The following CLSTN2 variants were observed in gnomAD, a reference collection of about 807,000 sequenced individuals.
CLSTN2 encodes calsyntenin-2.
In CLSTN2, 48 loss-of-function variants were observed where a neutral mutation model predicts 101.2. That is an observed-to-expected ratio of 0.47 (90% CI 0.38 to 0.60). The LOEUF (loss-of-function observed/expected upper bound fraction) is 0.60. Ranked by LOEUF, CLSTN2 falls within the 20% of genes least tolerant of loss-of-function variation. The pLI is 0.00. For synonymous variants in CLSTN2, 481 were observed against 463.6 expected (o/e 1.04, Z -0.48); for missense variants, 1,160 against 1,238.2 (o/e 0.94, Z 0.95).
chr3:140,149,414 G>A (rs1049411815), intron 1 of CLSTN2, among the ~76,000 whole-genome samples: 3 of 152,148 alleles, frequency 2.0e-5, no homozygotes, highest in Admixed American at 2.0e-4. Context: ...GAGTAGAGTT[G>A]CCAGATAAAA....
rs570644361 is a variant in CLSTN2, at chr3:139,983,731, T to G, written c.109+48248T>G. ...CTATGTAATAATTTACTATGTAGTTTTAGCATTTAAAAAAATCAACCTCCA... is the reference window on the plus strand; with the variant it reads ...CTATGTAATAATTTACTATGTAGTTGTAGCATTTAAAAAAATCAACCTCCA... On this transcript the variant is annotated intron_variant, in intron 1 of 16. Transcript: ENST00000458420. Among the ~76,000 whole-genome samples the G allele has an allele frequency of 2.5e-4, 38 of 152,298 alleles. No homozygotes were observed. The Middle Eastern group carries it at 0.01, about 41-fold the overall frequency.
At chr3:140,320,677 G>A (rs774883048) in intron 2 of CLSTN2, among the ~76,000 whole-genome samples, 7 of 151,604 alleles carry the variant, frequency 4.6e-5, no homozygotes, top group Non-Finnish European at 1.0e-4. Flanking sequence ...CATAATGTAT[G>A]TATTGACTAT....
At chr3:140,262,018 T>C (rs774911926) in intron 2 of CLSTN2, among the ~76,000 whole-genome samples, 4 of 152,166 alleles carry the variant, frequency 2.6e-5, no homozygotes, top group Non-Finnish European at 5.9e-5. Context: ...AAAGTACAGA[T>C]TTTAGAGTTG....
rs371997085 is a variant in CLSTN2, at chr3:140,346,577, G to C, written c.233-57052G>C. Among the ~76,000 whole-genome samples the C allele has an allele frequency of 1.8e-4, 28 of 152,326 alleles. No homozygotes were observed. In the East Asian group the frequency reaches 4.8e-3, roughly 26 times the overall value. On this transcript the variant is annotated intron_variant, in intron 2 of 16. Transcript: ENST00000458420. Reference sequence around the variant, plus strand: ...TGTGGGATGAAATTATGAGGATTAAGTAAGCAAGTTTAGGAACAAGAGTCA... The same window carrying C: ...TGTGGGATGAAATTATGAGGATTAACTAAGCAAGTTTAGGAACAAGAGTCA...
intron 2 of CLSTN2, among the ~76,000 whole-genome samples, chr3:140,271,953 A>G (rs1050464850): frequency 2.0e-5 from 3 of 152,210 alleles, no homozygotes; most frequent in Non-Finnish European, 4.4e-5. Context: ...ACAGAACCCA[A>G]TTCTGAATTC....
At chr3:140,294,893 A>T (rs1178054358) in intron 2 of CLSTN2, among the ~76,000 whole-genome samples, 1 of 152,020 alleles carries the variant, frequency 6.6e-6, no homozygotes, top group Non-Finnish European at 1.5e-5. Flanking sequence ...TCATGGGGAG[A>T]AGGGGGTGGT....
chr3:140,439,553 C>A (rs971865873), intron 5 of CLSTN2, among the ~76,000 whole-genome samples: 1 of 152,192 alleles, frequency 6.6e-6, no homozygotes, highest in Non-Finnish European at 1.5e-5. Context: ...ATTTCTAGTT[C>A]TTTCATTTGA....
intron 1 of CLSTN2, among the ~76,000 whole-genome samples, chr3:140,167,411 G>C (rs1282060211): frequency 6.6e-6 from 1 of 152,114 alleles, no homozygotes; most frequent in African/African-American, 2.4e-5. Flanking sequence ...GGGTTAGCTT[G>C]ACTGAGTTAG....
chr3:140,239,458 T>A (rs1409887907), intron 2 of CLSTN2, among the ~76,000 whole-genome samples: 2 of 152,216 alleles, frequency 1.3e-5, no homozygotes, highest in African/African-American at 4.8e-5. Flanking sequence ...AAAGAGTTTT[T>A]AAAATGAATA....
intron 2 of CLSTN2, among the ~76,000 whole-genome samples, chr3:140,199,005 C>T (rs779151986): frequency 1.3e-5 from 2 of 152,180 alleles, no homozygotes; most frequent in Non-Finnish European, 2.9e-5. Flanking sequence ...CTCCAAGGCC[C>T]GGATGACAGC....
chr3:140,383,983 G>A (rs970075930), intron 2 of CLSTN2, among the ~76,000 whole-genome samples: 5 of 152,170 alleles, frequency 3.3e-5, no homozygotes, highest in Admixed American at 3.3e-4. Flanking sequence ...CTGGAAACGG[G>A]TTACATTTAG....
intron 1 of CLSTN2, among the ~76,000 whole-genome samples, chr3:140,040,106 T>C (rs923842243): frequency 1.4e-4 from 21 of 152,210 alleles, no homozygotes; most frequent in Non-Finnish European, 1.8e-4. Flanking sequence ...TTGCTAAAGC[T>C]ATAGTGTTTT....
chr3:140,394,605 C>G (rs544597184), intron 2 of CLSTN2, among the ~76,000 whole-genome samples: 1 of 146,730 alleles, frequency 6.8e-6, no homozygotes, highest in Non-Finnish European at 1.5e-5. Flanking sequence ...CCTATTGCAG[C>G]CTTTGCAGTA....
At chr3:140,011,654 C>T (rs2007076006) in intron 1 of CLSTN2, among the ~76,000 whole-genome samples, 1 of 152,196 alleles carries the variant, frequency 6.6e-6, no homozygotes, top group South Asian at 2.1e-4. Context: ...TCACAACTCA[C>T]CTCAGGGCTC....
At chr3:139,940,758 T>C (rs949746689) in intron 1 of CLSTN2, among the ~76,000 whole-genome samples, 5 of 152,190 alleles carry the variant, frequency 3.3e-5, no homozygotes, top group Admixed American at 2.6e-4. Context: ...TTCACTAGTC[T>C]ATGGATGTCT....
chr3:140,257,571 T>G (rs1195615609), intron 2 of CLSTN2, among the ~76,000 whole-genome samples: 3 of 149,606 alleles, frequency 2.0e-5, no homozygotes, highest in Admixed American at 6.6e-5. Flanking sequence ...GGTGTGTGTG[T>G]GTGTGTGTGT....
Position 140,239,469 on chromosome 3 carries a change from A to G in CLSTN2, c.232+63396A>G, listed in dbSNP as rs2086442245. 2.0e-5 allele frequency among the ~76,000 whole-genome samples: 3 copies of G among 152,224 alleles called. No individual in the cohort carries two copies. The South Asian group carries it at 6.2e-4, about 32-fold the overall frequency. ...GTTAAAAGAGTTTTTAAAATGAATAAATGAATATCATCACTCTTTTGCATA... is the reference window on the plus strand; with the variant it reads ...GTTAAAAGAGTTTTTAAAATGAATAGATGAATATCATCACTCTTTTGCATA... On this transcript the variant is annotated intron_variant, in intron 2 of 16. Coordinates refer to ENST00000458420, the MANE Select transcript of CLSTN2 (RefSeq NM_022131.3).
intron 1 of CLSTN2, among the ~76,000 whole-genome samples, chr3:140,166,485 C>A (rs2010136751): frequency 6.6e-6 from 1 of 152,154 alleles, no homozygotes; most frequent in Non-Finnish European, 1.5e-5. Flanking sequence ...TTTTAAAGAT[C>A]CAGGGTTGTC....
chr3:140,252,831 G>C (rs184470932), intron 2 of CLSTN2, among the ~76,000 whole-genome samples: 40 of 152,238 alleles, frequency 2.6e-4, no homozygotes, highest in Admixed American at 2.0e-3. Context: ...GGCTTGAAAG[G>C]ATAGGTGGAG....
Sources: gnomAD v4.1 joint callset for allele counts (sites outside exome capture counted in the v4.1 genomes callset) on GRCh38, gnomAD v4.1.1 for gene constraint, MANE v1.5 for transcripts, NCBI Gene and HGNC (gene_info 2026-07-23, HGNC 2026-07-21) for gene names.